The following HFM1 variants were observed in gnomAD, a reference collection of about 807,000 sequenced individuals.
HFM1 encodes the protein helicase for meiosis 1, also known as probable ATP-dependent DNA helicase HFM1.
In HFM1, 169 loss-of-function variants were observed where a neutral mutation model predicts 192.1. The observed-to-expected ratio is 0.88, with a 90% confidence interval of 0.78 to 1.00. The LOEUF (loss-of-function observed/expected upper bound fraction) is 1.00. Among genes scored for constraint, HFM1 ranks in the 50% least tolerant of loss-of-function variants. The probability of loss-of-function intolerance (pLI) is 0.00; values close to 1 mark genes in which losing one functional copy is unlikely to be tolerated. For missense variants in HFM1, 1,661 were observed against 1,668.0 expected (o/e 1.00, Z 0.07); for synonymous variants, 525 against 537.8 (o/e 0.98, Z 0.33).
chr1:91,388,100 CTCA>C (rs1332578935), intron 4 of HFM1, among the ~76,000 whole-genome samples: 1 of 152,100 alleles, frequency 6.6e-6, no homozygotes. Context: ...CACCCCCTCC[CTCA>C]TATTTTGCCA....
chr1:91,282,028 T>A (rs1331154789), intron 30 of HFM1, among the ~76,000 whole-genome samples: 1 of 152,236 alleles, frequency 6.6e-6, no homozygotes, highest in Non-Finnish European at 1.5e-5. Flanking sequence ...ATATTGCAAT[T>A]AGCTTTATTT....
At chr1:91,334,500 A>C (rs1570989204) in intron 20 of HFM1, among the ~76,000 whole-genome samples, 1 of 152,220 alleles carries the variant, frequency 6.6e-6, no homozygotes, top group East Asian at 1.9e-4. Flanking sequence ...GTGACCACTT[A>C]AAATTCTTGA....
chr1:91,338,227 T>C (rs1377443781), intron 20 of HFM1, among the ~76,000 whole-genome samples: 1 of 152,182 alleles, frequency 6.6e-6, no homozygotes, highest in African/African-American at 2.4e-5. Context: ...GACTCCACCC[T>C]GTGTGGAGCC....
intron 19 of HFM1, among the ~76,000 whole-genome samples, chr1:91,347,111 A>T (rs1004307068): frequency 3.9e-5 from 6 of 152,110 alleles, no homozygotes; most frequent in East Asian, 1.9e-4. Context: ...TGTCTCTTTT[A>T]AAAAAAAGAA....
At chr1:91,346,507 G>A (rs1656164255) in intron 19 of HFM1, among the ~76,000 whole-genome samples, 1 of 152,128 alleles carries the variant, frequency 6.6e-6, no homozygotes, top group African/African-American at 2.4e-5. Flanking sequence ...CAATTTTACT[G>A]CTTTATCTTT....
rs750188552 is a variant in HFM1, at chr1:91,352,535, G to A, written c.1948C>T (p.Gln650Ter). ...GGTCGACCAGCTCTACCAATCATCTGTAGAATATCTGTTTCACTGTACTCT... is the reference window on the plus strand; with the variant it reads ...GGTCGACCAGCTCTACCAATCATCTATAGAATATCTGTTTCACTGTACTCT... ...FEEYSETDIL[Q>*]MIGRAGRPQF... The change falls in exon 16 of 39, where the codon CAG becomes TAG. Residue 650 changes from glutamine (Q) to a stop codon, truncating the protein, a stop_gained. Coordinates refer to ENST00000370425, the MANE Select transcript of HFM1 (RefSeq NM_001017975.6). LOFTEE classifies it high-confidence loss of function. 1 of 1,607,064 alleles carries A rather than the reference G, an allele frequency of 6.2e-7. No individual in the cohort carries two copies. The highest frequency in any genetic ancestry group is 1.1e-5 in the South Asian group (1 of 89,460).
At chr1:91,359,819 A>T (rs540286122) in intron 13 of HFM1, among the ~76,000 whole-genome samples, 5 of 152,274 alleles carry the variant, frequency 3.3e-5, no homozygotes, top group East Asian at 1.9e-4. Context: ...AGACATAATC[A>T]TCAGATTCTC....
chr1:91,380,837 A>G (rs999575666), intron 7 of HFM1, 75 bp downstream of exon 7: 4 of 752,138 alleles, frequency 5.3e-6, no homozygotes, highest in Non-Finnish European at 9.4e-6. Context: ...GATCTAGTAA[A>G]TCCCAGCTGT....
At chr1:91,314,562 A>AT (rs796731177) in intron 28 of HFM1, among the ~76,000 whole-genome samples, 47 of 152,068 alleles carry the variant, frequency 3.1e-4, no homozygotes, top group Middle Eastern at 3.4e-3. Flanking sequence ...CCAATCCCTA[A>AT]TTTTTTTAAT....
chr1:91,272,486 G>T lies in HFM1; in HGVS notation c.3772+1226C>A, dbSNP rs139496723. On this transcript the variant is annotated intron_variant, in intron 34 of 38. Transcript: ENST00000370425. ...AAATTGGATTTGGAATAGTGAGTGG[G>T]AAAGAAAAGTAGGAAAACCATGTAA... Among the ~76,000 whole-genome samples, 21 of 152,150 alleles carry T rather than the reference G, an allele frequency of 1.4e-4. No individual in the cohort carries two copies. The East Asian group carries it at 3.9e-3, about 28-fold the overall frequency.
At chr1:91,291,315 A>G (rs1435975838) in intron 30 of HFM1, among the ~76,000 whole-genome samples, 3 of 152,180 alleles carry the variant, frequency 2.0e-5, no homozygotes, top group East Asian at 1.9e-4. Context: ...CAAGACTAAT[A>G]AAGAAGAAAA....
intron 13 of HFM1, among the ~76,000 whole-genome samples, chr1:91,366,241 T>C (rs1259290762): frequency 6.6e-6 from 1 of 152,224 alleles, no homozygotes; most frequent in African/African-American, 2.4e-5. Context: ...CCTACTCATA[T>C]AGATAAGTTC....
chr1:91,354,078 G>C (rs1557901093), intron 13 of HFM1, among the ~76,000 whole-genome samples: 1 of 151,752 alleles, frequency 6.6e-6, no homozygotes, highest in Non-Finnish European at 1.5e-5. Flanking sequence ...TGAGATACAA[G>C]AGAATACAGA....
At chr1:91,284,296 T>C (rs111614199) in intron 30 of HFM1, among the ~76,000 whole-genome samples, 18,588 of 151,780 alleles carry the variant, frequency 0.12, 1,268 homozygotes, top group Middle Eastern at 0.18. Context: ...CAGGCTGGAG[T>C]GCAGTGGTGC....
At position 91,402,970 on chromosome 1, in the gene HFM1, T is replaced by G. The variant is rs561923739; in HGVS notation, c.-28+1828A>C. ...AAATATTTTCAAAAGAATTTTTGAT[T>G]TCTAGTTCTAGCATACAAGAATATA... On this transcript the variant is annotated intron_variant, in intron 1 of 38. Transcript: ENST00000370425. Among the ~76,000 whole-genome samples the G allele has an allele frequency of 3.2e-4, 48 of 152,302 alleles. No individual in the cohort carries two copies. In the South Asian group the frequency reaches 9.1e-3, roughly 29 times the overall value.
At chr1:91,270,337 G>C (rs748540890) in intron 34 of HFM1, among the ~76,000 whole-genome samples, 8 of 151,966 alleles carry the variant, frequency 5.3e-5, no homozygotes, top group Non-Finnish European at 1.2e-4. Context: ...TTGAGCTAAG[G>C]CAAAAAGAAA....
rs377085951 is a variant in HFM1, at chr1:91,328,095, TAGA to T, written c.2336-3332_2336-3330del. On this transcript the variant is annotated intron_variant, in intron 20 of 38. Coordinates refer to ENST00000370425, the MANE Select transcript of HFM1 (RefSeq NM_001017975.6). Reference sequence around the variant, plus strand: ...AAGTGCTAACCAAACACAAAATTAGTAGAAGAAAAGAAATAATAAATGTCAGAG... The same window carrying T: ...AAGTGCTAACCAAACACAAAATTAGTAGAAAAGAAATAATAAATGTCAGAG... 2.6e-4 allele frequency among the ~76,000 whole-genome samples: 40 copies of T among 152,004 alleles called. No homozygotes were observed. The East Asian group carries it at 4.8e-3, about 18-fold the overall frequency.
At chr1:91,289,902 C>T (rs1051479609) in intron 30 of HFM1, among the ~76,000 whole-genome samples, 4 of 151,672 alleles carry the variant, frequency 2.6e-5, no homozygotes. Flanking sequence ...GGTCAACATT[C>T]TTAAAGAAAA....
intron 1 of HFM1, among the ~76,000 whole-genome samples, chr1:91,403,818 TAATC>T (rs1664560404): frequency 6.6e-6 from 1 of 152,202 alleles, no homozygotes; most frequent in Non-Finnish European, 1.5e-5. Context: ...TAGATACAAT[TAATC>T]TTTAGTTATA....
Sources: gnomAD v4.1 joint callset for allele counts (sites outside exome capture counted in the v4.1 genomes callset) on GRCh38, gnomAD v4.1.1 for gene constraint, MANE v1.5 for transcripts, NCBI Gene and HGNC (gene_info 2026-07-23, HGNC 2026-07-21) for gene names.